OR1J2: variants seen among roughly 807,000 people sequenced by gnomAD.
OR1J2 encodes olfactory receptor family 1 subfamily J member 2.
For missense variants in OR1J2, 304 were observed against 246.1 expected (o/e 1.24, Z -1.57); for synonymous variants, 142 against 99.7 (o/e 1.42, Z -2.52).
the OR1J2 span, among the ~76,000 whole-genome samples, chr9:122,487,767 G>A: frequency 2.0e-5 from 3 of 152,320 alleles, no homozygotes; most frequent in South Asian, 2.1e-4. Flanking sequence ...GACACAGTTA[G>A]GGGCTAATTA....
At chr9:122,487,458 AACACACACACACACACACAC>A in the OR1J2 span, among the ~76,000 whole-genome samples, 1 of 149,084 alleles carries the variant, frequency 6.7e-6, no homozygotes, top group South Asian at 2.2e-4. Flanking sequence ...GGAGATGATT[AACACACACACACACACACAC>A]ACACACACAC....
chr9:122,504,052 T>G, the OR1J2 span, among the ~76,000 whole-genome samples: 1 of 152,246 alleles, frequency 6.6e-6, no homozygotes, highest in Non-Finnish European at 1.5e-5. Context: ...CGTAGTTAGA[T>G]GATCTGGGGG....
chr9:122,558,956 C>G, the OR1J2 span, among the ~76,000 whole-genome samples: 4 of 151,868 alleles, frequency 2.6e-5, no homozygotes, highest in South Asian at 2.1e-4. Flanking sequence ...TTATAAGGTA[C>G]AGGGTGATAT....
the OR1J2 span, among the ~76,000 whole-genome samples, chr9:122,576,559 T>C: frequency 2.0e-5 from 3 of 152,114 alleles, no homozygotes; most frequent in Non-Finnish European, 4.4e-5. Context: ...ATTCACTCAT[T>C]GTTGGGCAGT....
the OR1J2 span, among the ~76,000 whole-genome samples, chr9:122,466,640 A>G: frequency 1.3e-5 from 2 of 152,210 alleles, no homozygotes; most frequent in Non-Finnish European, 2.9e-5. Flanking sequence ...GGCTGTGCCA[A>G]CGTTCCAGAT....
At chr9:122,521,233 G>C in the OR1J2 span, among the ~76,000 whole-genome samples, 1 of 152,174 alleles carries the variant, frequency 6.6e-6, no homozygotes, top group African/African-American at 2.4e-5. Context: ...TTCTCCATCA[G>C]AGATGAGTTT....
At chr9:122,531,430 A>C in the OR1J2 span, among the ~76,000 whole-genome samples, 1 of 152,196 alleles carries the variant, frequency 6.6e-6, no homozygotes, top group Non-Finnish European at 1.5e-5. Context: ...TAGGAGTATG[A>C]CTAGACAGAA....
chr9:122,449,700 G>C, the OR1J2 span, among the ~76,000 whole-genome samples: 1 of 152,072 alleles, frequency 6.6e-6, no homozygotes, highest in Non-Finnish European at 1.5e-5. Flanking sequence ...TCATTTTTCT[G>C]TGCAGCTGCC....
At chr9:122,466,586 G>A in the OR1J2 span, among the ~76,000 whole-genome samples, 1 of 152,278 alleles carries the variant, frequency 6.6e-6, no homozygotes, top group Admixed American at 6.5e-5. Context: ...TACAATTACA[G>A]CAAACTGAGG....
downstream of OR1J2, among the ~76,000 whole-genome samples, chr9:122,512,713 G>C (rs757620381): frequency 2.0e-5 from 3 of 152,084 alleles, no homozygotes; most frequent in Middle Eastern, 6.8e-3. Context: ...GTATCATCAC[G>C]CCAACCTATA....
the OR1J2 span, among the ~76,000 whole-genome samples, chr9:122,499,521 G>A: frequency 6.6e-6 from 1 of 152,104 alleles, no homozygotes; most frequent in Non-Finnish European, 1.5e-5. Context: ...CTGCACAGGA[G>A]GGGTGGAGGC....
the OR1J2 span, among the ~76,000 whole-genome samples, chr9:122,475,984 T>C: frequency 6.6e-6 from 1 of 152,228 alleles, no homozygotes; most frequent in East Asian, 1.9e-4. Context: ...TCACGAACTA[T>C]ATGATCTTGG....
chr9:122,503,608 G>C, the OR1J2 span, among the ~76,000 whole-genome samples: 1 of 152,160 alleles, frequency 6.6e-6, no homozygotes, highest in African/African-American at 2.4e-5. Flanking sequence ...ATGCTCTCTG[G>C]TAGGCATTGA....
the OR1J2 span, among the ~76,000 whole-genome samples, chr9:122,534,173 G>A: frequency 6.6e-6 from 1 of 152,172 alleles, no homozygotes; most frequent in African/African-American, 2.4e-5. Flanking sequence ...CTTGTGTGCT[G>A]GAGATGTGGC....
downstream of OR1J2, among the ~76,000 whole-genome samples, chr9:122,512,766 T>A (rs1828655126): frequency 6.6e-6 from 1 of 152,152 alleles, no homozygotes; most frequent in Admixed American, 6.5e-5. Context: ...AAAATTAACA[T>A]CCAGTGTCCA....
chr9:122,462,988 T>C, the OR1J2 span, among the ~76,000 whole-genome samples: 10 of 152,222 alleles, frequency 6.6e-5, no homozygotes, highest in African/African-American at 2.4e-4. Context: ...AGCTGGGGAA[T>C]TTTTCCTCAA....
chr9:122,570,419 T>G, the OR1J2 span, among the ~76,000 whole-genome samples: 4 of 152,246 alleles, frequency 2.6e-5, no homozygotes, highest in Non-Finnish European at 5.9e-5. Context: ...TTCACATATT[T>G]TTAAATGTTG....
Position 122,511,055 on chromosome 9 carries a change from T to C in OR1J2, c.254T>C (p.Met85Thr). 2 of 1,430,656 alleles carry C rather than the reference T, an allele frequency of 1.4e-6. No individual in the cohort carries two copies. Among genetic ancestry groups the C allele is most frequent in the Non-Finnish European group, 2.0e-6 (2 of 1,020,154 alleles). 88.6% of individuals were successfully genotyped at this position (1,430,656 alleles called of 1,614,324 possible). ...ACTGTCCCTAAGATGCTGATGGACATGCGGACTAAGTACAAATCGATCCTC... is the reference window on the plus strand; with the variant it reads ...ACTGTCCCTAAGATGCTGATGGACACGCGGACTAAGTACAAATCGATCCTC... ...SVTVPKMLMD[M>T]RTKYKSILYE... is the part of the protein sequence containing the mutation. The change falls in exon 1 of 1, where the codon ATG (methionine) becomes ACG (threonine). Residue 85 changes from methionine (M) to threonine (T), a missense_variant. Coordinates refer to ENST00000335302, the MANE Select transcript of OR1J2 (RefSeq NM_054107.1).
the OR1J2 span, among the ~76,000 whole-genome samples, chr9:122,540,134 T>C: frequency 3.3e-5 from 5 of 152,058 alleles, no homozygotes; most frequent in East Asian, 7.7e-4. Flanking sequence ...ATCCCATTTG[T>C]CAATTTTGGC....
Sources: gnomAD v4.1 joint callset for allele counts (sites outside exome capture counted in the v4.1 genomes callset) on GRCh38, gnomAD v4.1.1 for gene constraint, MANE v1.5 for transcripts, NCBI Gene and HGNC (gene_info 2026-07-23, HGNC 2026-07-21) for gene names.